The following ARHGAP29 variants were observed in gnomAD, a reference collection of about 807,000 sequenced individuals.
ARHGAP29 encodes the protein rho GTPase-activating protein 29.
ARHGAP29 carries 43 observed loss-of-function variants against 122.6 expected under a neutral mutation model. The ratio of observed to expected loss-of-function variants is 0.35; its 90% CI spans 0.27 to 0.45. ARHGAP29 has a LOEUF of 0.45. ARHGAP29 is among the 20% of genes least tolerant of loss of function. The probability of loss-of-function intolerance (pLI) is 1.00; values close to 1 mark genes in which losing one functional copy is unlikely to be tolerated. For missense variants in ARHGAP29, 1,303 were observed against 1,477.2 expected (o/e 0.88, Z 1.93); for synonymous variants, 506 against 497.1 (o/e 1.02, Z -0.24).
chr1:94,215,840 A>G (rs935935668), intron 3 of ARHGAP29, among the ~76,000 whole-genome samples: 8 of 152,200 alleles, frequency 5.3e-5, no homozygotes, highest in African/African-American at 1.9e-4. Context: ...TTACTTATAC[A>G]GAGTTTCTAC....
Position 94,177,916 on chromosome 1 carries a change from A to T in ARHGAP29, c.2732T>A (p.Leu911Gln). Reference protein sequence around the residue: ...VVDQGCFPKPLLSPEERDIER... With the variant: ...VVDQGCFPKPQLSPEERDIER... ...AATGTCTCTTTCTTCTGGTGATAAC[A>T]GAGGCTTTGGAAAACAGCCTTGATC... Residue 911 changes from leucine (L) to glutamine (Q), a missense_variant, in exon 21 of 23, where the codon CTG becomes CAG. Coordinates refer to ENST00000260526, the MANE Select transcript of ARHGAP29 (RefSeq NM_004815.4). The T allele has an allele frequency of 2.5e-6, 4 of 1,614,152 alleles. No homozygotes were observed. Among genetic ancestry groups the T allele is most frequent in the Non-Finnish European group, 3.4e-6 (4 of 1,180,010 alleles).
At chr1:94,231,365 T>C (rs1214895663) in intron 2 of ARHGAP29, 42 bp downstream of exon 2, 1 of 1,555,338 alleles carries the variant, frequency 6.4e-7, no homozygotes, top group African/African-American at 1.4e-5. Flanking sequence ...TTTAAAATTT[T>C]ACAAACTATC....
chr1:94,231,679 GGAGA>G, intron 1 of ARHGAP29, 36 bp from the exon 2 acceptor site: 3 of 1,490,138 alleles, frequency 2.0e-6, no homozygotes, highest in Non-Finnish European at 2.7e-6. Flanking sequence ...AAACAAGCGA[GGAGA>G]GAGAAAGAAA....
At chr1:94,303,307 G>A in the ARHGAP29 span, among the ~76,000 whole-genome samples, 2 of 152,220 alleles carry the variant, frequency 1.3e-5, no homozygotes, top group Non-Finnish European at 2.9e-5. Context: ...AAATATGCTA[G>A]TCACAAAAGG....
intron 1 of ARHGAP29, among the ~76,000 whole-genome samples, chr1:94,272,797 T>A (rs946037316): frequency 8.5e-5 from 13 of 152,174 alleles, no homozygotes; most frequent in African/African-American, 3.1e-4. Context: ...TGCCCCTGTA[T>A]CCTTCATGGG....
At chr1:94,267,906 T>C (rs903372047) in intron 1 of ARHGAP29, among the ~76,000 whole-genome samples, 2 of 152,218 alleles carry the variant, frequency 1.3e-5, no homozygotes, top group African/African-American at 4.8e-5. Context: ...GTCTTCACTA[T>C]ATAATAAGAG....
rs1411428765 is a variant in ARHGAP29, at chr1:94,245,465, C to A, written c.-32-13822G>T. Among the ~76,000 whole-genome samples the A allele has an allele frequency of 2.6e-5, 4 of 152,144 alleles. No homozygotes were observed. In the East Asian group the frequency reaches 7.7e-4, roughly 29 times the overall value. On this transcript the variant is annotated intron_variant and NMD_transcript_variant, in intron 1 of 25. Coordinates refer to the ARHGAP29 transcript ENST00000552844. ...ATTAAGCTAAATGAAAGAAGCCAGG[C>A]ACACACACACTGTATATCTTTGGTA...
chr1:94,217,329 T>C (rs1317331473), intron 3 of ARHGAP29, among the ~76,000 whole-genome samples: 1 of 150,942 alleles, frequency 6.6e-6, no homozygotes, highest in Non-Finnish European at 1.5e-5. Context: ...AGGTCAAGAG[T>C]TTGAGACTTG....
intron 12 of ARHGAP29, among the ~76,000 whole-genome samples, chr1:94,198,566 G>A (rs922519874): frequency 6.6e-6 from 1 of 152,078 alleles, no homozygotes; most frequent in Non-Finnish European, 1.5e-5. Context: ...TGTACATATA[G>A]ACCATTCACA....
At chr1:94,237,328 C>G (rs1047735584) in intron 1 of ARHGAP29, 87 bp downstream of exon 1, 2 of 907,258 alleles carry the variant, frequency 2.2e-6, no homozygotes, top group Non-Finnish European at 2.6e-6. Context: ...GGACCCTGGA[C>G]GGCAATTCGC....
At chr1:94,176,324 G>A (rs1339164921) in intron 22 of ARHGAP29, among the ~76,000 whole-genome samples, 1 of 152,096 alleles carries the variant, frequency 6.6e-6, no homozygotes, top group African/African-American at 2.4e-5. Flanking sequence ...AAATTATCTT[G>A]TATGTAATAA....
intron 1 of ARHGAP29, among the ~76,000 whole-genome samples, chr1:94,267,452 T>C (rs185014994): frequency 6.6e-6 from 1 of 152,342 alleles, no homozygotes; most frequent in Admixed American, 6.5e-5. Context: ...TCTCACTCAG[T>C]TTTCTCATTC....
Position 94,202,751 on chromosome 1 carries a change from T to C in ARHGAP29, c.955-19A>G, listed in dbSNP as rs1482729721. ...CTTCAAGCTACACCGAAAAGAGTAT[T>C]AAACACAGAATATGAAAGAAATCCT... On this transcript the variant is annotated intron_variant, in intron 10 of 22. Coordinates refer to ENST00000260526, the MANE Select transcript of ARHGAP29 (RefSeq NM_004815.4). The C allele has an allele frequency of 1.2e-6, 2 of 1,606,036 alleles. No homozygotes were observed. Among genetic ancestry groups the C allele is most frequent in the Non-Finnish European group, 8.5e-7 (1 of 1,177,022 alleles).
chr1:94,290,111 C>T, the ARHGAP29 span, among the ~76,000 whole-genome samples: 14 of 152,216 alleles, frequency 9.2e-5, no homozygotes, highest in Admixed American at 6.5e-4. Flanking sequence ...GCTGTGAATC[C>T]GTCTGGTCCT....
intron 1 of ARHGAP29, among the ~76,000 whole-genome samples, chr1:94,256,828 G>T (rs942944069): frequency 6.6e-6 from 1 of 151,662 alleles, no homozygotes; most frequent in African/African-American, 2.4e-5. Context: ...AAAGTGCTGG[G>T]ATTACAGGCG....
upstream of ARHGAP29, among the ~76,000 whole-genome samples, chr1:94,279,910 C>T (rs1213818471): frequency 6.6e-6 from 1 of 152,132 alleles, no homozygotes; most frequent in Non-Finnish European, 1.5e-5. Flanking sequence ...TTTTTTACAG[C>T]ATATTCCTGA....
chr1:94,284,529 T>G, the ARHGAP29 span, among the ~76,000 whole-genome samples: 7 of 152,194 alleles, frequency 4.6e-5, no homozygotes, highest in Non-Finnish European at 7.3e-5. Flanking sequence ...AGAAATGATG[T>G]GTGTTACTTC....
At chr1:94,232,108 C>G (rs1298475172) in intron 1 of ARHGAP29, among the ~76,000 whole-genome samples, 1 of 152,040 alleles carries the variant, frequency 6.6e-6, no homozygotes, top group African/African-American at 2.4e-5. Context: ...CATGACATCA[C>G]CTTCAAAAAT....
intron 11 of ARHGAP29, 175 bp from the exon 12 acceptor site, chr1:94,202,032 GACAGCCATGT>G: frequency 1.7e-6 from 1 of 598,696 alleles, no homozygotes; most frequent in Non-Finnish European, 2.8e-6. Flanking sequence ...GATTTTAATG[GACAGCCATGT>G]ACAATTTATA....
Sources: allele counts gnomAD v4.1 joint callset (sites outside exome capture counted in the v4.1 genomes callset), GRCh38; gene constraint gnomAD v4.1.1; transcripts MANE v1.5; gene names NCBI Gene and HGNC (gene_info 2026-07-23, HGNC 2026-07-21).